The following UBXN2A variants were observed in gnomAD, a reference collection of about 807,000 sequenced individuals.
The protein encoded by UBXN2A is UBX domain protein 2A.
UBXN2A carries 28 observed loss-of-function variants against 28.4 expected under a neutral mutation model. That is an observed-to-expected ratio of 0.99 (90% CI 0.73 to 1.35). UBXN2A has a LOEUF of 1.35. Among genes scored for constraint, UBXN2A ranks in the 40% most tolerant of loss-of-function variants. The pLI is 0.00. For missense variants in UBXN2A, 253 were observed against 297.9 expected (o/e 0.85, Z 1.11); for synonymous variants, 97 against 103.6 (o/e 0.94, Z 0.39).
chr2:23,966,266 G>C (rs1707157487), intron 2 of UBXN2A, among the ~76,000 whole-genome samples: 1 of 151,870 alleles, frequency 6.6e-6, no homozygotes, highest in African/African-American at 2.4e-5. Context: ...AGCTTCCCAA[G>C]TAGCTGGGAC....
At chr2:23,982,842 C>G in intron 4 of UBXN2A, 54 bp from the exon 5 acceptor site, 1 of 1,520,414 alleles carries the variant, frequency 6.6e-7, no homozygotes, top group South Asian at 1.3e-5. Context: ...GAATGTTTTT[C>G]AGAGAAATAA....
At chr2:23,998,639 T>G (rs1708630951) in intron 6 of UBXN2A, among the ~76,000 whole-genome samples, 1 of 152,128 alleles carries the variant, frequency 6.6e-6, no homozygotes, top group Non-Finnish European at 1.5e-5. Context: ...GAGAATTGCT[T>G]GAACCCGGGA....
At chr2:23,984,473 A>G (rs1187660660) in intron 5 of UBXN2A, among the ~76,000 whole-genome samples, 200 bp from the exon 6 acceptor site, 1 of 152,200 alleles carries the variant, frequency 6.6e-6, no homozygotes, top group Non-Finnish European at 1.5e-5. Context: ...TCAGATATGT[A>G]TAACTTCATC....
At chr2:23,966,438 T>C (rs1362766941) in intron 2 of UBXN2A, among the ~76,000 whole-genome samples, 1 of 144,996 alleles carries the variant, frequency 6.9e-6, no homozygotes, top group Admixed American at 7.0e-5. Flanking sequence ...CCTGGCCTGG[T>C]AGATATTTTC....
Position 23,970,757 on chromosome 2 carries a change from T to C in UBXN2A, c.42-519T>C, listed in dbSNP as rs540430859. 7.9e-5 allele frequency among the ~76,000 whole-genome samples: 12 copies of C among 151,288 alleles called. No homozygotes were observed. In the Admixed American group the frequency reaches 8.0e-4, roughly 10 times the overall value. The stretch of plus-strand genomic sequence containing the variant: ...ACTAGATGGTCCCATTTGGGGGCAA[T>C]GGGAAACAGCGACAGATCATGAGGC... On this transcript the variant is annotated intron_variant, in intron 2 of 6. Transcript: ENST00000309033.
chr2:23,968,617 G>A (rs971224592), intron 2 of UBXN2A, among the ~76,000 whole-genome samples: 1 of 151,000 alleles, frequency 6.6e-6, no homozygotes, highest in Non-Finnish European at 1.5e-5. Flanking sequence ...AGCTTGCAGT[G>A]AGCCGAGATT....
At chr2:23,998,622 A>C (rs1708630230) in intron 6 of UBXN2A, among the ~76,000 whole-genome samples, 1 of 152,198 alleles carries the variant, frequency 6.6e-6, no homozygotes, top group Non-Finnish European at 1.5e-5. Context: ...AGGGAGGCTG[A>C]GGCAGGGAGA....
intron 1 of UBXN2A, among the ~76,000 whole-genome samples, chr2:23,943,311 G>A (rs919755256): frequency 6.6e-6 from 1 of 152,024 alleles, no homozygotes; most frequent in African/African-American, 2.4e-5. Context: ...ATTGGATGGG[G>A]ACAAGAATGG....
At chr2:23,961,996 C>G (rs747909577) in intron 2 of UBXN2A, among the ~76,000 whole-genome samples, 2 of 151,928 alleles carry the variant, frequency 1.3e-5, no homozygotes, top group Non-Finnish European at 2.9e-5. Flanking sequence ...AGGTGCCCAC[C>G]ACCATGCCTG....
In UBXN2A at chr2:23,971,960, G is replaced by A. The variant is rs149560757; in HGVS notation, c.180+546G>A. ...AAAAGAATAAAAAAATTAACTGGGC[G>A]TGGTGCCATGTGCCTGTAGTCCCAG... On this transcript the variant is annotated intron_variant, in intron 3 of 6. Coordinates refer to ENST00000309033, the MANE Select transcript of UBXN2A (RefSeq NM_181713.4). Among the ~76,000 whole-genome samples the A allele has an allele frequency of 3.5e-3, 526 of 152,074 alleles. 4 individuals are homozygous for A. The highest frequency in any genetic ancestry group is 3.6e-3 in the Non-Finnish European group (242 of 67,978).
intron 1 of UBXN2A, among the ~76,000 whole-genome samples, chr2:23,928,764 A>C (rs1367924499): frequency 6.6e-6 from 1 of 152,178 alleles, no homozygotes; most frequent in East Asian, 1.9e-4. Flanking sequence ...AAAACTGTAC[A>C]ACACTGGAAA....
chr2:23,935,761 T>C (rs1157290925), upstream of UBXN2A, among the ~76,000 whole-genome samples: 2 of 152,034 alleles, frequency 1.3e-5, no homozygotes, highest in Non-Finnish European at 2.9e-5. Flanking sequence ...CTCAAAAAAA[T>C]TGAAAACGCC....
intron 2 of UBXN2A, among the ~76,000 whole-genome samples, chr2:23,962,778 T>C (rs1706990535): frequency 6.6e-6 from 1 of 152,044 alleles, no homozygotes; most frequent in Non-Finnish European, 1.5e-5. Context: ...GCTAGTTTTG[T>C]ATTTTTTAGT....
upstream of UBXN2A, chr2:23,939,803 G>GTAAGTCC (rs1705656927): frequency 6.6e-6 from 1 of 152,600 alleles, no homozygotes; most frequent in Non-Finnish European, 1.5e-5. Flanking sequence ...GTTGCGTGTA[G>GTAAGTCC]TAAGTCCTTT....
chr2:23,946,585 A>G (rs1391124615), intron 1 of UBXN2A, among the ~76,000 whole-genome samples: 1 of 151,308 alleles, frequency 6.6e-6, no homozygotes, highest in Non-Finnish European at 1.5e-5. Flanking sequence ...CCTCCTAAAG[A>G]GCTGAGATTA....
At chr2:23,970,991 A>G (rs776596144) in intron 2 of UBXN2A, among the ~76,000 whole-genome samples, 3 of 152,184 alleles carry the variant, frequency 2.0e-5, no homozygotes, top group Non-Finnish European at 2.9e-5. Flanking sequence ...GGTTTCTGAC[A>G]GGCCATGGGC....
intron 2 of UBXN2A, among the ~76,000 whole-genome samples, chr2:23,964,306 G>T (rs1028064492): frequency 2.6e-5 from 4 of 152,004 alleles, no homozygotes; most frequent in African/African-American, 9.7e-5. Context: ...TGCCTCCCAG[G>T]TTCAAGTGAT....
At chr2:23,952,984 A>G (rs1445434516) in intron 1 of UBXN2A, among the ~76,000 whole-genome samples, 1 of 151,386 alleles carries the variant, frequency 6.6e-6, no homozygotes, top group Non-Finnish European at 1.5e-5. Flanking sequence ...TTTTTTTAAC[A>G]AAGTAATCTT....
At chr2:23,983,463 C>T (rs1038480169) in intron 5 of UBXN2A, among the ~76,000 whole-genome samples, 2 of 152,074 alleles carry the variant, frequency 1.3e-5, no homozygotes, top group African/African-American at 2.4e-5. Flanking sequence ...GCCGAGATCG[C>T]GCCATTGCTC....
Sources: gnomAD v4.1 joint callset for allele counts (sites outside exome capture counted in the v4.1 genomes callset) on GRCh38, gnomAD v4.1.1 for gene constraint, MANE v1.5 for transcripts, NCBI Gene and HGNC (gene_info 2026-07-23, HGNC 2026-07-21) for gene names.